Variants in PAK3 observed in about 807,000 individuals in gnomAD.
PAK3 encodes the protein p21 (RAC1) activated kinase 3, also known as serine/threonine-protein kinase PAK 3.
In PAK3, 4 loss-of-function variants were observed where a neutral mutation model predicts 41.0. The ratio of observed to expected loss-of-function variants is 0.10; its 90% CI spans 0.05 to 0.22. PAK3 has a LOEUF of 0.22. Among genes scored for constraint, PAK3 ranks in the 10% least tolerant of loss-of-function variants. PAK3 has a pLI of 1.00. For missense variants in PAK3, 205 were observed against 409.9 expected, an observed-to-expected ratio of 0.50 and a Z score of 4.32; for synonymous variants, 146 against 139.6, an observed-to-expected ratio of 1.05 and a Z score of -0.32.
chrX:111,149,059 C>T (rs2149120580), intron 7 of PAK3, among the ~76,000 whole-genome samples: 1 of 111,781 alleles, frequency 8.9e-6, no homozygotes, highest in East Asian at 2.8e-4. Flanking sequence ...TGAATACAGC[C>T]ATTCCAAATG....
chrX:111,184,545 C>T (rs898412811), intron 11 of PAK3, among the ~76,000 whole-genome samples: 9 of 108,524 alleles, frequency 8.3e-5, no homozygotes, highest in African/African-American at 3.0e-4. Flanking sequence ...TGCTATCCCT[C>T]CCCTAGCCCC....
chrX:111,194,255 G>A (rs1346431126), intron 13 of PAK3, 46 bp from the exon 14 acceptor site: 3 of 764,710 alleles, frequency 3.9e-6, no homozygotes, highest in South Asian at 4.1e-5. Flanking sequence ...AGAGTCCCCA[G>A]GTTTTTTAGC....
At chrX:111,001,944 AG>A (rs1047562367) in intron 1 of PAK3, among the ~76,000 whole-genome samples, 1 of 111,036 alleles carries the variant, frequency 9.0e-6, no homozygotes, top group African/African-American at 3.3e-5. Flanking sequence ...AAAAAAAAAA[AG>A]ATTGTATGAG....
Position 111,220,865 on chromosome X carries a change from A to G in PAK3, c.*418A>G, listed in dbSNP as rs1207897171. 4 of 111,652 alleles carry G rather than the reference A, an allele frequency of 3.6e-5. No individual in the cohort carries two copies. The highest frequency in any genetic ancestry group is 1.4e-4 in the African/African-American group (4 of 29,207). The allele number at this position is 111,652 out of a possible 1,213,427, so 9.2% of individuals were successfully genotyped here. ...CTCCTTACCCAATGTGATGTTTTTC[A>G]CTTGCATTGTCATTAGATGTCCAGA... On this transcript the variant is annotated 3_prime_UTR_variant, in exon 18 of 18. Transcript: ENST00000372007.
chrX:111,162,601 T>C (rs1276996294), intron 8 of PAK3, among the ~76,000 whole-genome samples: 1 of 112,204 alleles, frequency 8.9e-6, no homozygotes, highest in African/African-American at 3.2e-5. Context: ...TTTTAATGTA[T>C]TTCAAAAACA....
intron 16 of PAK3, among the ~76,000 whole-genome samples, chrX:111,209,585 G>A (rs1368737701): frequency 1.8e-5 from 2 of 111,705 alleles, no homozygotes; most frequent in African/African-American, 6.5e-5. Flanking sequence ...AATGTGTTTT[G>A]CATCTCAAAT....
intron 16 of PAK3, among the ~76,000 whole-genome samples, chrX:111,203,070 C>A (rs2094701379): frequency 9.0e-6 from 1 of 111,187 alleles, no homozygotes. Context: ...CGATTCTAGG[C>A]CCCCATCCTC....
At chrX:111,053,360 A>C (rs1603026620) in intron 1 of PAK3, among the ~76,000 whole-genome samples, 2 of 111,668 alleles carry the variant, frequency 1.8e-5, no homozygotes, top group Admixed American at 1.9e-4. Flanking sequence ...CCAGGACACA[A>C]GACTATTTAA....
chrX:111,069,902 A>G (rs2092729099), intron 1 of PAK3, among the ~76,000 whole-genome samples: 1 of 111,307 alleles, frequency 9.0e-6, no homozygotes, highest in South Asian at 3.8e-4. Flanking sequence ...GCAGACTGAG[A>G]CTGACTGCCT....
At chrX:111,059,480 G>T (rs1360080152) in intron 1 of PAK3, among the ~76,000 whole-genome samples, 1 of 111,486 alleles carries the variant, frequency 9.0e-6, no homozygotes, top group Non-Finnish European at 1.9e-5. Flanking sequence ...TTAAAAAAGA[G>T]CATTAGAGTT....
chrX:111,009,442 G>A (rs2091980191), intron 1 of PAK3, among the ~76,000 whole-genome samples: 1 of 110,756 alleles, frequency 9.0e-6, no homozygotes, highest in Admixed American at 9.7e-5. Context: ...GACAGGCTTG[G>A]CACACCTGAA....
At chrX:111,180,223 G>A (rs1329824703) in intron 11 of PAK3, among the ~76,000 whole-genome samples, 1 of 111,720 alleles carries the variant, frequency 9.0e-6, no homozygotes, top group Non-Finnish European at 1.9e-5. Context: ...TCACTGAGTT[G>A]CATCTATTAT....
intron 1 of PAK3, among the ~76,000 whole-genome samples, chrX:110,981,481 A>G (rs2091445577): frequency 9.0e-6 from 1 of 111,530 alleles, no homozygotes; most frequent in African/African-American, 3.3e-5. Context: ...AACATGAACT[A>G]AAGTATTTAA....
intron 1 of PAK3, among the ~76,000 whole-genome samples, chrX:110,965,916 A>C (rs1244510102): frequency 9.0e-6 from 1 of 111,559 alleles, no homozygotes; most frequent in Non-Finnish European, 1.9e-5. Context: ...AACGTCACAA[A>C]TCTGGTGAGC....
intron 7 of PAK3, among the ~76,000 whole-genome samples, chrX:111,150,492 T>C (rs2094010305): frequency 8.9e-6 from 1 of 112,010 alleles, no homozygotes; most frequent in Admixed American, 9.5e-5. Context: ...TAGTTCCACA[T>C]GGCTGGGGAG....
intron 16 of PAK3, among the ~76,000 whole-genome samples, chrX:111,213,680 GGAA>G (rs1569471653): frequency 8.9e-6 from 1 of 111,793 alleles, no homozygotes; most frequent in African/African-American, 3.3e-5. Context: ...AGGAAAAAAA[GGAA>G]GAACAGTGAC....
intron 16 of PAK3, among the ~76,000 whole-genome samples, chrX:111,207,949 C>T (rs751984114): frequency 8.9e-6 from 1 of 112,025 alleles, no homozygotes; most frequent in African/African-American, 3.2e-5. Context: ...TGCCTGCCAC[C>T]ACACTCAGCT....
intron 1 of PAK3, among the ~76,000 whole-genome samples, chrX:110,986,684 A>C (rs2091550022): frequency 9.0e-6 from 1 of 111,220 alleles, no homozygotes; most frequent in Non-Finnish European, 1.9e-5. Context: ...GGTTCAACTC[A>C]TTCACATTTT....
intron 16 of PAK3, among the ~76,000 whole-genome samples, chrX:111,204,534 A>G (rs2094718460): frequency 9.0e-6 from 1 of 111,577 alleles, no homozygotes; most frequent in Admixed American, 9.5e-5. Context: ...ATGGCTTTTG[A>G]AATCTGTGTT....
Sources: allele counts gnomAD v4.1 joint callset (sites outside exome capture counted in the v4.1 genomes callset), GRCh38; gene constraint gnomAD v4.1.1; transcripts MANE v1.5; gene names NCBI Gene and HGNC (gene_info 2026-07-23, HGNC 2026-07-21).